The following CTSC variants were observed in gnomAD, a reference collection of about 807,000 sequenced individuals.
The protein encoded by CTSC is cathepsin C, also known as dipeptidyl peptidase 1.
CTSC carries 37 observed loss-of-function variants against 40.9 expected under a neutral mutation model. That is an observed-to-expected ratio of 0.91 (90% CI 0.70 to 1.19). CTSC has a LOEUF of 1.19. Ranked by LOEUF, CTSC falls within the 50% of genes most tolerant of loss-of-function variation. CTSC has a pLI of 0.00. For missense variants in CTSC, 594 were observed against 567.3 expected (o/e 1.05, Z -0.48); for synonymous variants, 232 against 207.4 (o/e 1.12, Z -1.02).
At chr11:88,327,694 T>A (rs1028073128) in intron 2 of CTSC, among the ~76,000 whole-genome samples, 4 of 152,198 alleles carry the variant, frequency 2.6e-5, no homozygotes, top group Admixed American at 2.6e-4. Context: ...GGAAGACAGA[T>A]CTAAGCTGCT....
At chr11:88,302,609 G>C (rs1403371625) in intron 4 of CTSC, among the ~76,000 whole-genome samples, 3 of 115,982 alleles carry the variant, frequency 2.6e-5, no homozygotes, top group Admixed American at 1.2e-4. Flanking sequence ...CCGGGTGACA[G>C]AGCAAGACTC....
At chr11:88,327,433 G>C (rs1938222749) in intron 2 of CTSC, among the ~76,000 whole-genome samples, 1 of 152,050 alleles carries the variant, frequency 6.6e-6, no homozygotes, top group Admixed American at 6.6e-5. Flanking sequence ...GGAAGGGTAA[G>C]TCTCTATTAA....
At chr11:88,333,721 T>C (rs1938421068) in intron 2 of CTSC, among the ~76,000 whole-genome samples, 1 of 152,244 alleles carries the variant, frequency 6.6e-6, no homozygotes, top group Non-Finnish European at 1.5e-5. Context: ...GCGTAGCATC[T>C]GGAAATGATA....
chr11:88,299,455 A>G (rs1287133967), intron 5 of CTSC: 1 of 152,196 alleles, frequency 6.6e-6, no homozygotes, highest in East Asian at 1.9e-4. Context: ...AACTGGTAGA[A>G]AAGCAAAGAG....
chr11:88,335,415 T>A (rs1163845873), intron 1 of CTSC, among the ~76,000 whole-genome samples: 3 of 152,082 alleles, frequency 2.0e-5, no homozygotes. Context: ...ACAAAAATAA[T>A]TTTTAAAAAT....
At chr11:88,313,007 G>C (rs938193751) in intron 2 of CTSC, among the ~76,000 whole-genome samples, 6 of 152,170 alleles carry the variant, frequency 3.9e-5, no homozygotes, top group Non-Finnish European at 5.9e-5. Flanking sequence ...ATTCTCCTCA[G>C]TCTATCACAC....
intron 3 of CTSC, among the ~76,000 whole-genome samples, chr11:88,309,836 A>T (rs1300306180): frequency 6.6e-6 from 1 of 151,628 alleles, no homozygotes; most frequent in East Asian, 1.9e-4. Flanking sequence ...ACACACACAC[A>T]CACACACACA....
rs5793312 is a variant in CTSC, at chr11:88,312,647, C to CT, written c.319-94dup. ...GCTCTCATTCACAGTAAATGTGCCC[C>CT]TTTCAAAACAAAAACTTCACCCTGA... On this transcript the variant is annotated intron_variant, in intron 2 of 6. Transcript: ENST00000227266. The CT allele has an allele frequency of 0.86, 1,200,262 of 1,395,030 alleles. 518,742 individuals carry two copies. Among genetic ancestry groups the CT allele is most frequent in the East Asian group, 1 (43,851 of 43,870 alleles). The allele number at this position is 1,395,030 out of a possible 1,614,324, so 86.4% of individuals were successfully genotyped here.
intron 2 of CTSC, chr11:88,325,903 CT>C: frequency 4.0e-6 from 4 of 988,774 alleles, no homozygotes; most frequent in Non-Finnish European, 4.8e-6. Flanking sequence ...GCCTTATTTT[CT>C]CCTTACAACA....
At chr11:88,336,409 T>C (rs541735239) in intron 1 of CTSC, among the ~76,000 whole-genome samples, 6 of 151,406 alleles carry the variant, frequency 4.0e-5, no homozygotes, top group African/African-American at 2.4e-5. Context: ...CGTGGTGGCA[T>C]GTGCCCGTAA....
intron 4 of CTSC, among the ~76,000 whole-genome samples, chr11:88,307,276 C>T (rs1396177927): frequency 6.6e-6 from 1 of 152,160 alleles, no homozygotes; most frequent in Non-Finnish European, 1.5e-5. Flanking sequence ...CAATTCCTTA[C>T]CCCTTAGTCA....
In CTSC at chr11:88,324,087, C is replaced by G. The variant is rs217059; in HGVS notation, c.318+10850G>C. The G allele has an allele frequency of 0.28, 42,186 of 151,956 alleles. 6,933 individuals carry two copies. Among genetic ancestry groups the G allele is most frequent in the East Asian group, 0.56 (2,892 of 5,154 alleles). 9.4% of individuals were successfully genotyped at this position (151,956 alleles called of 1,614,324 possible). On this transcript the variant is annotated intron_variant, in intron 2 of 6. Coordinates refer to ENST00000227266, the MANE Select transcript of CTSC (RefSeq NM_001814.6). Reference sequence around the variant, plus strand: ...GACCAGTGGAAGAGAATGAAGATCTCAGAAATAAGACCACACATCTACAAC... The same window carrying G: ...GACCAGTGGAAGAGAATGAAGATCTGAGAAATAAGACCACACATCTACAAC...
chr11:88,322,886 T>G (rs531377044), intron 2 of CTSC: 2 of 152,172 alleles, frequency 1.3e-5, no homozygotes, highest in Non-Finnish European at 2.9e-5. Context: ...TCCAAACAAT[T>G]GAAAAGGAGG....
intron 6 of CTSC, among the ~76,000 whole-genome samples, chr11:88,295,679 C>T (rs930344075): frequency 2.6e-5 from 4 of 152,020 alleles, no homozygotes; most frequent in African/African-American, 9.7e-5. Flanking sequence ...CTGTGCCCAG[C>T]CCTAAGTACA....
At chr11:88,317,465 C>T (rs565623575) in intron 2 of CTSC, among the ~76,000 whole-genome samples, 1 of 152,080 alleles carries the variant, frequency 6.6e-6, no homozygotes, top group African/African-American at 2.4e-5. Context: ...AATTTTAGAA[C>T]CTGAAATTAT....
intron 2 of CTSC, chr11:88,324,876 C>T: frequency 1.0e-6 from 1 of 985,294 alleles, no homozygotes; most frequent in Non-Finnish European, 1.2e-6. Flanking sequence ...CCACTGTACT[C>T]TTAATTCATC....
chr11:88,328,517 AC>A (rs1938255453), intron 2 of CTSC, among the ~76,000 whole-genome samples: 1 of 152,254 alleles, frequency 6.6e-6, no homozygotes, highest in South Asian at 2.1e-4. Flanking sequence ...TATTGTAGAA[AC>A]ACAGGCGACA....
intron 2 of CTSC, chr11:88,327,998 T>C: frequency 1.3e-6 from 1 of 767,310 alleles, no homozygotes; most frequent in Non-Finnish European, 2.3e-6. Flanking sequence ...AAGAAAACCA[T>C]AATCTCTCCA....
intron 1 of CTSC, among the ~76,000 whole-genome samples, chr11:88,336,924 C>G (rs943419544): frequency 6.6e-6 from 1 of 152,108 alleles, no homozygotes; most frequent in Non-Finnish European, 1.5e-5. Flanking sequence ...GTTAAGTTTT[C>G]TTTGTTATTA....
Sources: gnomAD v4.1 joint callset for allele counts (sites outside exome capture counted in the v4.1 genomes callset) on GRCh38, gnomAD v4.1.1 for gene constraint, MANE v1.5 for transcripts, NCBI Gene and HGNC (gene_info 2026-07-23, HGNC 2026-07-21) for gene names.